The following SEMA4C variants were observed in gnomAD, a reference collection of about 807,000 sequenced individuals.
The protein encoded by SEMA4C is semaphorin 4C.
SEMA4C carries 19 observed loss-of-function variants against 89.0 expected under a neutral mutation model. The observed-to-expected ratio is 0.21, with a 90% CI of 0.15 to 0.31. The LOEUF is 0.31. Among genes scored for constraint, SEMA4C ranks in the 10% least tolerant of loss-of-function variants. The pLI is 1.00. For missense variants in SEMA4C, 811 were observed against 1,107.0 expected (o/e 0.73, Z 3.79); for synonymous variants, 428 against 472.7 (o/e 0.91, Z 1.23).
chr2:96,865,003 A>G lies in SEMA4C; in HGVS notation c.747T>C (p.Tyr249=). The change falls in exon 8 of 15, where the codon TAT becomes TAC. Residue 249 remains tyrosine, a synonymous_variant. Transcript: ENST00000305476. ...CCACACGAGCCACCACCTGCTCGGC[A>G]TAGCAGTCGGACTCCACTGCCCGCT... is the stretch of plus-strand genomic sequence containing the variant. ...FRERAVESDC[Y]AEQVVARVAR... 6.4e-7 allele frequency: 1 copy of G among 1,563,128 alleles called. No homozygotes were observed. Among genetic ancestry groups the G allele is most frequent in the South Asian group, 1.2e-5 (1 of 85,618 alleles).
In SEMA4C at chr2:96,860,291, CACACACAT is replaced by C; in HGVS notation, c.*327_*334del. The C allele has an allele frequency of 3.2e-6, 1 of 309,818 alleles. No homozygotes were observed. The highest frequency in any genetic ancestry group is 5.9e-6 in the Non-Finnish European group (1 of 168,512). 19.2% of individuals were successfully genotyped at this position (309,818 alleles called of 1,614,324 possible). Reference sequence around the variant, plus strand: ...TGCCACAAGCGCGCACGCGCGTGCACACACACATACACACACACACAAACACATGTGCA... The same window carrying C: ...TGCCACAAGCGCGCACGCGCGTGCACACACACACACACAAACACATGTGCA... On this transcript the variant is annotated 3_prime_UTR_variant, in exon 15 of 15. Transcript: ENST00000305476.
chr2:96,867,607 A>G (rs1166696601), intron 2 of SEMA4C, among the ~76,000 whole-genome samples, 171 bp downstream of exon 2: 1 of 152,184 alleles, frequency 6.6e-6, no homozygotes, highest in African/African-American at 2.4e-5. Context: ...GGAGTTGGAC[A>G]GAGCTCCCCC....
rs1415155852 is a variant in SEMA4C at position 96,860,783 on chromosome 2, C to T, written c.2345G>A (p.Arg782Gln). The T allele has an allele frequency of 3.1e-6, 5 of 1,613,738 alleles. No homozygotes were observed. The highest frequency in any genetic ancestry group is 1.3e-5 in the African/African-American group (1 of 74,926). ...SPTRLHLGGG[R>Q]NSNANGYVRL... Reference sequence around the variant, plus strand: ...CACGTAACCATTGGCATTTGAGTTCCGCCCACCCCCCAGGTGAAGCCGAGT... The same window carrying T: ...CACGTAACCATTGGCATTTGAGTTCTGCCCACCCCCCAGGTGAAGCCGAGT... Residue 782 changes from arginine to glutamine, a missense_variant, in exon 15 of 15, where the codon CGG (arginine) becomes CAG (glutamine). Physicochemically the swap from Arg to Gln is conservative, Grantham distance 43. This residue lies in a region of SEMA4C where 248 missense variants were observed against 269.0 expected (regional missense o/e 0.92). Transcript: ENST00000305476.
Position 96,860,581 on chromosome 2 carries a change from G to C in SEMA4C, c.*45C>G, listed in dbSNP as rs1194819454. The C allele has an allele frequency of 1.3e-6, 2 of 1,530,330 alleles. No individual in the cohort carries two copies. Among genetic ancestry groups the C allele is most frequent in the Non-Finnish European group, 1.8e-6 (2 of 1,126,798 alleles). The allele number at this position is 1,530,330 out of a possible 1,614,324, so 94.8% of individuals were successfully genotyped here. A position where few individuals can be genotyped will look rare whatever the true frequency, so the allele number is the denominator to read the frequency against. ...GTAGCTGGTGCCTGTGCAAAAGTAG[G>C]AGCTACACCTCCCACGCTTCCCGCC... On this transcript the variant is annotated 3_prime_UTR_variant, in exon 15 of 15. Transcript: ENST00000305476.
intron 1 of SEMA4C, chr2:96,868,408 G>C: frequency 2.0e-6 from 2 of 1,005,178 alleles, no homozygotes; most frequent in Non-Finnish European, 2.4e-6. Flanking sequence ...AAGCCCCAAA[G>C]GGGAAACCTG....
chr2:96,866,212 T>TA, intron 3 of SEMA4C, 71 bp downstream of exon 3: 2 of 1,526,240 alleles, frequency 1.3e-6, no homozygotes, highest in Non-Finnish European at 1.8e-6. Context: ...AGGGACCACC[T>TA]AGCCAAGCAC....
upstream of SEMA4C, chr2:96,870,165 C>A (rs971580982): frequency 2.0e-6 from 2 of 983,054 alleles, no homozygotes; most frequent in African/African-American, 1.7e-5. Flanking sequence ...CGCGAAGGCT[C>A]GCTCAGGAGG....
At chr2:96,866,917 A>C (rs1394978761) in intron 2 of SEMA4C, 1 of 321,856 alleles carries the variant, frequency 3.1e-6, no homozygotes, top group Non-Finnish European at 6.1e-6. Context: ...AGGCTGCCAG[A>C]GATGCGAGCA....
chr2:96,863,974 C>T lies in SEMA4C; in HGVS notation c.1282G>A (p.Val428Ile), dbSNP rs1220975624. The T allele has an allele frequency of 1.2e-6, 2 of 1,613,400 alleles. No individual in the cohort carries two copies. The highest frequency in any genetic ancestry group is 1.7e-6 in the Non-Finnish European group (2 of 1,179,962). Residue 428 changes from valine to isoleucine, a missense_variant, in exon 11 of 15, where the codon GTT (valine) becomes ATT (isoleucine). By Grantham distance (29) the Val-to-Ile change is conservative (BLOSUM62 3). Transcript: ENST00000305476. ...TAGGTGGCTCCATCAAGTCCTGTAA[C>T]CCGGTCGGCCACCAGGTGGGTGAAG... is the stretch of plus-strand genomic sequence containing the variant. ...TNFTHLVADR[V>I]TGLDGATYTV...
At position 96,860,701 on chromosome 2, in the gene SEMA4C, G is replaced by A. The variant is rs188750906; in HGVS notation, c.2427C>T (p.Leu809=). The change falls in exon 15 of 15, where the codon CTC becomes CTT. Residue 809 remains leucine, a synonymous_variant. Transcript: ENST00000305476. ...GCAGTTTGCGTCTCAGTTCATCCGC[G>A]AGCTCAGGCAGGGGGTGCCCGAGCC... ...RGGLGHPLPE[L]ADELRRKLQQ... is the part of the protein sequence containing the mutation. 264 of 1,613,576 alleles carry A rather than the reference G, an allele frequency of 1.6e-4. 4 individuals are homozygous for A. In the East Asian group the frequency reaches 3.6e-3, roughly 22 times the overall value.
chr2:96,862,293 C>A (rs1021093133), intron 12 of SEMA4C: 1 of 186,376 alleles, frequency 5.4e-6, no homozygotes. Flanking sequence ...GGATGCCAAT[C>A]TGTGTGTTTA....
Position 96,861,061 on chromosome 2 carries a change from C to T in SEMA4C, c.2067G>A (p.Arg689=). The stretch of plus-strand genomic sequence containing the variant: ...CCCCTTTCTCCAGCTCTTCCCGCAG[C>T]CGCCGGCGCAATGACAGCACCAGCA... ...LLLLVLSLRR[R]LREELEKGAK... is the part of the protein sequence containing the mutation. The change falls in exon 15 of 15, where the codon CGG becomes CGA. Residue 689 remains arginine (R), a synonymous_variant. Transcript: ENST00000305476. The surrounding 1 kb of genome is among the most constrained non-coding windows in gnomAD (Gnocchi z 7.8). 6.2e-7 allele frequency: 1 copy of T among 1,612,850 alleles called. No individual in the cohort carries two copies. Among genetic ancestry groups the T allele is most frequent in the Non-Finnish European group, 8.5e-7 (1 of 1,179,994 alleles).
intron 3 of SEMA4C, 116 bp from the exon 4 acceptor site, chr2:96,866,045 C>T: frequency 8.6e-7 from 1 of 1,161,230 alleles, no homozygotes; most frequent in Non-Finnish European, 1.3e-6. Context: ...GGTCCCTATT[C>T]TCTGGGGACT....
chr2:96,870,479 C>T (rs2080178057), upstream of SEMA4C: 2 of 952,296 alleles, frequency 2.1e-6, no homozygotes, highest in Admixed American at 6.2e-5. Flanking sequence ...CGAGCCACGT[C>T]GAGGCGAGTA....
Position 96,864,330 on chromosome 2 carries a change from G to A in SEMA4C, c.1015C>T (p.Arg339Trp), listed in dbSNP as rs1435645867. The A allele has an allele frequency of 2.3e-5, 37 of 1,613,784 alleles. No individual in the cohort carries two copies. The highest frequency in any genetic ancestry group is 2.7e-5 in the Non-Finnish European group (32 of 1,180,016). ...ICEYQLEEIQ[R>W]VFEGPYKEYH... The stretch of plus-strand genomic sequence containing the variant: ...TCCTTATAGGGGCCCTCAAACACCC[G>A]CTGGATCTCTTCCAACTGGTACTCA... Residue 339 changes from arginine to tryptophan, a missense_variant, in exon 10 of 15, where the codon CGG becomes TGG. Around this residue, in one of 4 missense-constraint regions of SEMA4C, gnomAD observed 441 missense variants for 664.9 expected, o/e 0.66. Transcript: ENST00000305476. The surrounding 1 kb of genome is among the most constrained non-coding windows in gnomAD (Gnocchi z 6.3).
At position 96,860,791 on chromosome 2, in the gene SEMA4C, C is replaced by T. The variant is rs1574141632; in HGVS notation, c.2337G>A (p.Gly779=). The change falls in exon 15 of 15, where the codon GGG becomes GGA. Residue 779 remains glycine (G), a synonymous_variant. Transcript: ENST00000305476. The part of the protein sequence containing the change: ...PLPSPTRLHL[G]GGRNSNANGY... ...CATTGGCATTTGAGTTCCGCCCACC[C>T]CCCAGGTGAAGCCGAGTTGGAGAAG... 1.2e-6 allele frequency: 2 copies of T among 1,613,852 alleles called. No homozygotes were observed. The highest frequency in any genetic ancestry group is 2.2e-5 in the East Asian group (1 of 44,880).
At chr2:96,863,360 A>AG (rs2079995927) in intron 12 of SEMA4C, 1 of 1,118,116 alleles carries the variant, frequency 8.9e-7, no homozygotes, top group East Asian at 5.9e-5. Context: ...GGGCATGGTC[A>AG]GGGAAGAGGC....
Position 96,860,442 on chromosome 2 carries a change from G to A in SEMA4C, c.*184C>T. Reference sequence around the variant, plus strand: ...TGCCTTCTGCGAGGCTGGTGCCCTGGTGAGCCACACCAAGTGGCAGTGCCC... The same window carrying A: ...TGCCTTCTGCGAGGCTGGTGCCCTGATGAGCCACACCAAGTGGCAGTGCCC... On this transcript the variant is annotated 3_prime_UTR_variant, in exon 15 of 15. Transcript: ENST00000305476. The A allele has an allele frequency of 1.8e-6, 1 of 547,006 alleles. No individual in the cohort carries two copies. Among genetic ancestry groups the A allele is most frequent in the Non-Finnish European group, 3.1e-6 (1 of 317,948 alleles). 33.9% of individuals were successfully genotyped at this position (547,006 alleles called of 1,614,324 possible). A position where few individuals can be genotyped will look rare whatever the true frequency, so the allele number is the denominator to read the frequency against.
Position 96,867,904 on chromosome 2 carries a change from T to C in SEMA4C, c.-18A>G. The stretch of plus-strand genomic sequence containing the variant: ...GGGGCCATGGCGCACGCCCCGGCTC[T>C]GAGCTTCAGGCCAGCTGTCCTGCTG... On this transcript the variant is annotated 5_prime_UTR_variant, in exon 2 of 15. Coordinates refer to ENST00000305476, the MANE Select transcript of SEMA4C (RefSeq NM_017789.5). 1 of 1,613,398 alleles carries C rather than the reference T, an allele frequency of 6.2e-7. No individual in the cohort carries two copies. Among genetic ancestry groups the C allele is most frequent in the Non-Finnish European group, 8.5e-7 (1 of 1,180,008 alleles).
Sources: allele counts gnomAD v4.1 joint callset (sites outside exome capture counted in the v4.1 genomes callset), GRCh38; gene constraint gnomAD v4.1.1; regional missense constraint gnomAD v4.1.1; non-coding constraint Gnocchi (gnomAD v3.1); transcripts MANE v1.5; gene names NCBI Gene and HGNC (gene_info 2026-07-23, HGNC 2026-07-21).